Variants in GNG4 observed in about 807,000 individuals in gnomAD.
The protein encoded by GNG4 is G protein subunit gamma 4.
GNG4 carries 4 observed loss-of-function variants against 5.8 expected under a neutral mutation model. The ratio of observed to expected loss-of-function variants is 0.69; its 90% CI spans 0.34 to 1.57. The LOEUF is 1.57. Ranked by LOEUF, GNG4 falls within the 40% of genes most tolerant of loss-of-function variation. The probability of loss-of-function intolerance (pLI) is 0.06; values close to 1 mark genes in which losing one functional copy is unlikely to be tolerated. For missense variants in GNG4, 96 were observed against 95.1 expected (o/e 1.01, Z -0.04); for synonymous variants, 29 against 32.9 (o/e 0.88, Z 0.41).
chr1:235,614,945 C>T (rs2102971714), intron 1 of GNG4: 2 of 152,626 alleles, frequency 1.3e-5, no homozygotes, highest in South Asian at 4.1e-4. Context: ...TCTCGATGTG[C>T]TTTAGTTCTG....
At chr1:235,573,792 T>A (rs952482295) in intron 3 of GNG4, among the ~76,000 whole-genome samples, 18 of 150,676 alleles carry the variant, frequency 1.2e-4, no homozygotes, top group African/African-American at 4.1e-4. Context: ...AAAGGAAAAA[T>A]AAAAAAAGAC....
At chr1:235,573,539 A>G (rs1023984785) in intron 3 of GNG4, among the ~76,000 whole-genome samples, 16 of 152,216 alleles carry the variant, frequency 1.1e-4, no homozygotes, top group South Asian at 2.1e-4. Context: ...ACACTTTGGG[A>G]GGCCGAGGTG....
At chr1:235,645,666 A>G (rs1019195637) in intron 1 of GNG4, among the ~76,000 whole-genome samples, 4 of 151,940 alleles carry the variant, frequency 2.6e-5, no homozygotes, top group African/African-American at 9.7e-5. Context: ...GCGCGGTGGC[A>G]CATGCCTGTA....
chr1:235,621,370 C>T (rs1425558436), intron 1 of GNG4, among the ~76,000 whole-genome samples: 7 of 148,400 alleles, frequency 4.7e-5, no homozygotes, highest in Non-Finnish European at 8.9e-5. Context: ...TGGCTCACTG[C>T]AGCCTCTGCC....
intron 2 of GNG4, among the ~76,000 whole-genome samples, chr1:235,592,868 C>A (rs986473942): frequency 2.0e-5 from 3 of 152,174 alleles, no homozygotes; most frequent in Non-Finnish European, 4.4e-5. Context: ...AAACACCCTC[C>A]TTTCTTCCAC....
chr1:235,563,821 G>C (rs1687129155), intron 3 of GNG4, among the ~76,000 whole-genome samples: 1 of 152,172 alleles, frequency 6.6e-6, no homozygotes, highest in African/African-American at 2.4e-5. Context: ...TGAGTTCCTG[G>C]CTCAGAGTGA....
chr1:235,605,571 A>G (rs1182517483), intron 1 of GNG4, among the ~76,000 whole-genome samples: 1 of 152,192 alleles, frequency 6.6e-6, no homozygotes, highest in Non-Finnish European at 1.5e-5. Context: ...TAAAGGGTAG[A>G]GGGGCCAAGA....
chr1:235,597,246 C>A (rs982717664), intron 1 of GNG4, among the ~76,000 whole-genome samples: 1 of 152,216 alleles, frequency 6.6e-6, no homozygotes, highest in East Asian at 1.9e-4. Flanking sequence ...AAGCTAAAAG[C>A]CCGACAAGAA....
chr1:235,616,392 T>A, intron 1 of GNG4: 1 of 321,722 alleles, frequency 3.1e-6, no homozygotes, highest in Admixed American at 3.6e-5. Context: ...CAGATCCAGA[T>A]TGGGTAGGGC....
chr1:235,586,330 C>A (rs1033568494), intron 2 of GNG4, among the ~76,000 whole-genome samples: 1 of 152,186 alleles, frequency 6.6e-6, no homozygotes, highest in African/African-American at 2.4e-5. Flanking sequence ...TATGTGCCCA[C>A]GTGCCTGCTC....
At chr1:235,634,803 C>T (rs185455159) in intron 1 of GNG4, among the ~76,000 whole-genome samples, 1 of 152,024 alleles carries the variant, frequency 6.6e-6, no homozygotes, top group Admixed American at 6.6e-5. Flanking sequence ...ATTAGCCAGG[C>T]GTGGTGGTGC....
At chr1:235,630,942 C>T (rs971043848) in intron 1 of GNG4, among the ~76,000 whole-genome samples, 4 of 151,906 alleles carry the variant, frequency 2.6e-5, no homozygotes, top group Non-Finnish European at 5.9e-5. Flanking sequence ...TCTGTCACCC[C>T]GGCTGGAGTG....
intron 3 of GNG4, among the ~76,000 whole-genome samples, chr1:235,565,603 G>A (rs1402496552): frequency 6.6e-6 from 1 of 152,198 alleles, no homozygotes; most frequent in Admixed American, 6.5e-5. Context: ...AACCACAATG[G>A]GCTGGTGCAA....
intron 1 of GNG4, among the ~76,000 whole-genome samples, chr1:235,597,406 C>CAA (rs1688147093): frequency 6.6e-6 from 1 of 151,328 alleles, no homozygotes; most frequent in South Asian, 2.1e-4. Flanking sequence ...CCTACCCCCC[C>CAA]CAAATTCCTA....
At position 235,548,071 on chromosome 1, in the gene GNG4, C is replaced by G. The variant is rs1296034871; in HGVS notation, c.*4038G>C. The G allele has an allele frequency of 1.3e-5, 2 of 152,122 alleles. No homozygotes were observed. The highest frequency in any genetic ancestry group is 2.9e-5 in the Non-Finnish European group (2 of 68,020). The allele number at this position is 152,122 out of a possible 1,614,324, so 9.4% of individuals were successfully genotyped here. A position where few individuals can be genotyped will look rare whatever the true frequency, so the allele number is the denominator to read the frequency against. ...TGTGAATATACCCTAATGTGCTTAT[C>G]CAGCCAACATGGGCATTGGGGTGCT... On this transcript the variant is annotated 3_prime_UTR_variant, in exon 4 of 4. Transcript: ENST00000391854.
chr1:235,553,527 A>G (rs928864508), intron 3 of GNG4, among the ~76,000 whole-genome samples: 4 of 152,212 alleles, frequency 2.6e-5, no homozygotes, highest in African/African-American at 9.6e-5. Context: ...GGCCATACAC[A>G]TTCCCTTCTG....
chr1:235,562,776 T>C (rs977088015), intron 3 of GNG4, among the ~76,000 whole-genome samples: 1 of 152,080 alleles, frequency 6.6e-6, no homozygotes, highest in Non-Finnish European at 1.5e-5. Context: ...TTGAGTCTTC[T>C]TATCCATGAA....
intron 1 of GNG4, among the ~76,000 whole-genome samples, chr1:235,596,478 G>A (rs749414368): frequency 2.0e-5 from 3 of 152,044 alleles, no homozygotes; most frequent in African/African-American, 7.2e-5. Flanking sequence ...CAGAGGTTGC[G>A]GTGAGCCAAG....
intron 3 of GNG4, among the ~76,000 whole-genome samples, chr1:235,575,547 A>G (rs966727040): frequency 6.6e-6 from 1 of 152,212 alleles, no homozygotes; most frequent in African/African-American, 2.4e-5. Context: ...TCACAAAATT[A>G]ATCTCAGCCT....
Sources: gnomAD v4.1 joint callset for allele counts (sites outside exome capture counted in the v4.1 genomes callset) on GRCh38, gnomAD v4.1.1 for gene constraint, MANE v1.5 for transcripts, NCBI Gene and HGNC (gene_info 2026-07-23, HGNC 2026-07-21) for gene names.